The following ARHGAP15 variants were observed in gnomAD, a reference collection of about 807,000 sequenced individuals.
The protein encoded by ARHGAP15 is Rho GTPase activating protein 15.
Under a neutral mutation model 63.7 loss-of-function variants are expected in ARHGAP15, and 51 were observed. That is an observed-to-expected ratio of 0.80 (90% confidence interval 0.64 to 1.01). The LOEUF (loss-of-function observed/expected upper bound fraction) is 1.01, where lower values mean the gene tolerates loss of function less well. ARHGAP15 is among the 50% of genes least tolerant of loss of function. The probability of loss-of-function intolerance (pLI) is 0.00; values close to 1 mark genes in which losing one functional copy is unlikely to be tolerated. For missense variants in ARHGAP15, 560 were observed against 564.6 expected (o/e 0.99, Z 0.08); for synonymous variants, 191 against 193.8 (o/e 0.99, Z 0.12).
At chr2:143,332,587 T>C (rs547772107) in intron 6 of ARHGAP15, among the ~76,000 whole-genome samples, 104 of 152,296 alleles carry the variant, frequency 6.8e-4, no homozygotes, top group African/African-American at 2.4e-3. Flanking sequence ...GGCTTTTCTA[T>C]TCAAATATCA....
At chr2:143,318,825 A>G (rs1168772794) in intron 6 of ARHGAP15, among the ~76,000 whole-genome samples, 2 of 152,272 alleles carry the variant, frequency 1.3e-5, no homozygotes, top group South Asian at 4.1e-4. Context: ...TATCTTGACA[A>G]CATTAATGCT....
chr2:143,765,776 A>G lies in ARHGAP15; in HGVS notation c.1245-2213A>G, dbSNP rs186686579. Among the ~76,000 whole-genome samples, 71 of 152,214 alleles carry G rather than the reference A, an allele frequency of 4.7e-4. No individual in the cohort carries two copies. The East Asian group carries it at 0.014, about 29-fold the overall frequency. ...TACAGACACTGACAGTGATGCTTCCACAGGTACTGGACCCAGACTGCCTGG... is the reference window on the plus strand; with the variant it reads ...TACAGACACTGACAGTGATGCTTCCGCAGGTACTGGACCCAGACTGCCTGG... On this transcript the variant is annotated intron_variant, in intron 13 of 13. Transcript: ENST00000295095.
chr2:143,543,398 T>G (rs1695189654), intron 10 of ARHGAP15, among the ~76,000 whole-genome samples: 1 of 152,072 alleles, frequency 6.6e-6, no homozygotes, highest in African/African-American at 2.4e-5. Context: ...GCTCAGGTTG[T>G]TTTTTGGTTG....
At chr2:143,695,711 T>C (rs957162509) in intron 12 of ARHGAP15, among the ~76,000 whole-genome samples, 6 of 151,868 alleles carry the variant, frequency 4.0e-5, no homozygotes, top group African/African-American at 1.2e-4. Context: ...CTACAAAAAA[T>C]ACAAAAACTA....
intron 5 of ARHGAP15, 116 bp from the exon 6 acceptor site, chr2:143,250,394 CA>C: frequency 3.0e-6 from 2 of 677,852 alleles, no homozygotes; most frequent in Non-Finnish European, 4.6e-6. Context: ...CTGGGGAAAA[CA>C]AAAAAGGCAT....
intron 1 of ARHGAP15, among the ~76,000 whole-genome samples, chr2:143,131,668 A>T (rs1027194198): frequency 6.6e-6 from 1 of 152,206 alleles, no homozygotes; most frequent in Non-Finnish European, 1.5e-5. Context: ...GAATCTAATA[A>T]AAATAATCCA....
intron 2 of ARHGAP15, among the ~76,000 whole-genome samples, chr2:143,195,952 A>T (rs1691871094): frequency 6.6e-6 from 1 of 152,070 alleles, no homozygotes; most frequent in Non-Finnish European, 1.5e-5. Flanking sequence ...AATCCCACCC[A>T]TCAGTTTCAT....
At chr2:143,471,542 G>C (rs1691577604) in intron 8 of ARHGAP15, among the ~76,000 whole-genome samples, 1 of 152,022 alleles carries the variant, frequency 6.6e-6, no homozygotes, top group African/African-American at 2.4e-5. Flanking sequence ...GAAAAGAAAG[G>C]GGATAGAGGG....
intron 6 of ARHGAP15, among the ~76,000 whole-genome samples, chr2:143,294,588 G>T (rs1682554235): frequency 6.6e-6 from 1 of 151,980 alleles, no homozygotes; most frequent in Admixed American, 6.6e-5. Context: ...CAAGCCAGTG[G>T]AAAAGGAATG....
chr2:143,499,545 G>C (rs946338151), intron 9 of ARHGAP15, among the ~76,000 whole-genome samples: 6 of 152,112 alleles, frequency 3.9e-5, no homozygotes, highest in Non-Finnish European at 7.4e-5. Flanking sequence ...AAGTGCTCAG[G>C]AATATTCAGG....
At chr2:143,640,902 C>A (rs1436162472) in intron 12 of ARHGAP15, 1 of 152,166 alleles carries the variant, frequency 6.6e-6, no homozygotes, top group African/African-American at 2.4e-5. Flanking sequence ...ATTCCTACTT[C>A]ATCGCTCTTG....
intron 2 of ARHGAP15, among the ~76,000 whole-genome samples, chr2:143,175,456 C>T (rs1187773892): frequency 6.6e-6 from 1 of 152,104 alleles, no homozygotes; most frequent in East Asian, 1.9e-4. Flanking sequence ...GACCTGATAG[C>T]CTTTTGAGGC....
intron 11 of ARHGAP15, among the ~76,000 whole-genome samples, chr2:143,582,055 C>CTAATATTAG (rs1696928349): frequency 6.6e-6 from 1 of 152,262 alleles, no homozygotes; most frequent in South Asian, 2.1e-4. Flanking sequence ...CCATTGGAGT[C>CTAATATTAG]TAATATTAGA....
chr2:143,519,137 GAAATAAA>G, intron 9 of ARHGAP15, 122 bp from the exon 10 acceptor site: 1 of 625,948 alleles, frequency 1.6e-6, no homozygotes, highest in Non-Finnish European at 2.8e-6. Context: ...AGACACTATG[GAAATAAA>G]GCAAAAAAAA....
At chr2:143,551,589 CA>C (rs958714427) in intron 10 of ARHGAP15, among the ~76,000 whole-genome samples, 133 of 150,812 alleles carry the variant, frequency 8.8e-4, no homozygotes, top group Non-Finnish European at 1.5e-3. Context: ...GGAAATATAG[CA>C]AAAAAAACTA....
intron 6 of ARHGAP15, among the ~76,000 whole-genome samples, chr2:143,388,160 T>G (rs1325520872): frequency 6.6e-6 from 1 of 152,204 alleles, no homozygotes; most frequent in Non-Finnish European, 1.5e-5. Context: ...TTTCCAAAAT[T>G]ATTCACGTTA....
chr2:143,316,022 G>T (rs1164934601), intron 6 of ARHGAP15, among the ~76,000 whole-genome samples: 1 of 152,034 alleles, frequency 6.6e-6, no homozygotes, highest in Non-Finnish European at 1.5e-5. Context: ...GGAGGTGGAG[G>T]TTCCAGCTAG....
At chr2:143,495,450 C>A (rs1034436869) in intron 9 of ARHGAP15, among the ~76,000 whole-genome samples, 2 of 150,696 alleles carry the variant, frequency 1.3e-5, no homozygotes, top group Non-Finnish European at 2.9e-5. Flanking sequence ...CATAAATGGG[C>A]ATGAGCTCAT....
At chr2:143,261,389 A>G (rs1680712182) in intron 6 of ARHGAP15, among the ~76,000 whole-genome samples, 1 of 124,100 alleles carries the variant, frequency 8.1e-6, no homozygotes, top group Non-Finnish European at 1.6e-5. Flanking sequence ...GCTTGAGTGG[A>G]GTACAGTGGC....
Sources: gnomAD v4.1 joint callset for allele counts (sites outside exome capture counted in the v4.1 genomes callset) on GRCh38, gnomAD v4.1.1 for gene constraint, MANE v1.5 for transcripts, NCBI Gene and HGNC (gene_info 2026-07-23, HGNC 2026-07-21) for gene names.